The following AAK1 variants were observed in gnomAD, a reference collection of about 807,000 sequenced individuals.
AAK1 encodes AP2 associated kinase 1.
Under a neutral mutation model 116.0 loss-of-function variants are expected in AAK1, and 37 were observed. The ratio of observed to expected loss-of-function variants is 0.32; its 90% CI spans 0.25 to 0.42. The LOEUF (loss-of-function observed/expected upper bound fraction) is 0.42. Ranked by LOEUF, AAK1 falls within the 10% of genes least tolerant of loss-of-function variation. The probability of loss-of-function intolerance (pLI) is 1.00; values close to 1 mark genes in which losing one functional copy is unlikely to be tolerated. For missense variants in AAK1, 919 were observed against 1,170.6 expected, an observed-to-expected ratio of 0.79 and a Z score of 3.14; for synonymous variants, 458 against 439.9, an observed-to-expected ratio of 1.04 and a Z score of -0.51.
At chr2:69,586,436 G>A (rs2312087) in intron 2 of AAK1, among the ~76,000 whole-genome samples, 6,742 of 152,134 alleles carry the variant, frequency 0.044, 406 homozygotes, top group East Asian at 0.16. Context: ...GCTCAAAGAG[G>A]GCCTGGCAAT....
chr2:69,618,744 T>C (rs1203041560), intron 2 of AAK1, among the ~76,000 whole-genome samples: 1 of 152,182 alleles, frequency 6.6e-6, no homozygotes, highest in Non-Finnish European at 1.5e-5. Context: ...AATCCACTTA[T>C]TCCTAAACTG....
intron 9 of AAK1, 40 bp downstream of exon 9, chr2:69,527,176 T>A: frequency 6.9e-7 from 1 of 1,452,614 alleles, no homozygotes; most frequent in East Asian, 2.4e-5. Context: ...AATGGCAATT[T>A]GATAATGTTT....
chr2:69,485,769 T>A (rs1675274812), intron 17 of AAK1, among the ~76,000 whole-genome samples: 1 of 151,584 alleles, frequency 6.6e-6, no homozygotes, highest in Non-Finnish European at 1.5e-5. Context: ...CAAGCGATTC[T>A]CCTGCCTCAG....
At chr2:69,497,281 T>TTTACATTA (rs1675782279) in intron 16 of AAK1, among the ~76,000 whole-genome samples, 2 of 150,698 alleles carry the variant, frequency 1.3e-5, no homozygotes, top group African/African-American at 4.9e-5. Flanking sequence ...CACATGCAGC[T>TTTACATTA]TTACATTATC....
chr2:69,588,030 C>T (rs1178778762), intron 2 of AAK1, among the ~76,000 whole-genome samples: 3 of 152,116 alleles, frequency 2.0e-5, no homozygotes, highest in African/African-American at 7.2e-5. Context: ...CCCTAAAGTG[C>T]TGGGATTACA....
intron 2 of AAK1, among the ~76,000 whole-genome samples, chr2:69,582,907 C>T (rs1395871049): frequency 1.3e-5 from 2 of 152,186 alleles, no homozygotes; most frequent in East Asian, 1.9e-4. Context: ...AGTGAGAGCC[C>T]CATATTACCC....
intron 2 of AAK1, among the ~76,000 whole-genome samples, chr2:69,558,405 C>T (rs1160428530): frequency 6.6e-6 from 1 of 151,868 alleles, no homozygotes; most frequent in Non-Finnish European, 1.5e-5. Context: ...TGTTACACCA[C>T]AGCATTCCCC....
chr2:69,507,503 C>T lies in AAK1; in HGVS notation c.2082G>A (p.Thr694=), dbSNP rs549053574. The T allele has an allele frequency of 1.3e-4, 202 of 1,612,568 alleles. 1 individual carries two copies. The Admixed American group carries it at 2.5e-3, about 20-fold the overall frequency. Residue 694 remains threonine, a synonymous_variant, in exon 15 of 22, where the codon ACG becomes ACA. Transcript: ENST00000409085. ...QNVYNPSEGS[T]WNPFDDDNFS... is the part of the protein sequence containing the mutation. ...AATTATCGTCATCAAAGGGATTCCA[C>T]GTAGACCCTTCTGAAGGATTATAAA... is the stretch of plus-strand genomic sequence containing the variant.
intron 2 of AAK1, among the ~76,000 whole-genome samples, chr2:69,611,307 T>C (rs1189462636): frequency 6.6e-6 from 1 of 152,248 alleles, no homozygotes; most frequent in Non-Finnish European, 1.5e-5. Context: ...CCTCTCCTCC[T>C]GCCCTTGGGC....
intron 17 of AAK1, among the ~76,000 whole-genome samples, chr2:69,491,245 T>C (rs904992680): frequency 6.6e-6 from 1 of 152,112 alleles, no homozygotes; most frequent in Non-Finnish European, 1.5e-5. Flanking sequence ...CCCAGCCTCT[T>C]TTCTACCATA....
Position 69,478,931 on chromosome 2 carries a change from GAGA to G in AAK1, c.2680+17_2680+19del. The G allele has an allele frequency of 6.4e-7, 1 of 1,569,096 alleles. No individual in the cohort carries two copies. Reference sequence around the variant, plus strand: ...CCCCTCTAAGGACACATGTGGGCCTGAGAAGAAGAAAGCATTTACCTTTATGGA... The same window carrying G: ...CCCCTCTAAGGACACATGTGGGCCTGAGAAGAAAGCATTTACCTTTATGGA... On this transcript the variant is annotated intron_variant, in intron 20 of 21. Transcript: ENST00000409085.
At chr2:69,592,567 A>G (rs2105174054) in intron 2 of AAK1, among the ~76,000 whole-genome samples, 1 of 152,360 alleles carries the variant, frequency 6.6e-6, no homozygotes, top group South Asian at 2.1e-4. Context: ...TAAACATAAC[A>G]TGAAAAGAGT....
chr2:69,643,726 G>A lies in AAK1; in HGVS notation c.-386C>T, dbSNP rs1675869401. 2.5e-6 allele frequency: 3 copies of A among 1,211,278 alleles called. No homozygotes were observed. The highest frequency in any genetic ancestry group is 1.0e-6 in the Non-Finnish European group (1 of 974,878). The allele number at this position is 1,211,278 out of a possible 1,614,324, so 75.0% of individuals were successfully genotyped here. A position where few individuals can be genotyped will look rare whatever the true frequency, so the allele number is the denominator to read the frequency against. ...CCGCCCGCCAGCTGATCCCGGGAGC[G>A]CCGGGCGGAGACTGACCCGCCGCCC... On this transcript the variant is annotated 5_prime_UTR_variant, in exon 1 of 22. Transcript: ENST00000409085.
chr2:69,500,887 G>A (rs911001823), intron 16 of AAK1, among the ~76,000 whole-genome samples: 1 of 151,812 alleles, frequency 6.6e-6, no homozygotes, highest in Non-Finnish European at 1.5e-5. Flanking sequence ...GGTAGGGTGA[G>A]TAGATGGAAA....
intron 2 of AAK1, chr2:69,598,459 T>C (rs1333401008): frequency 9.0e-6 from 2 of 223,282 alleles, no homozygotes; most frequent in African/African-American, 2.3e-5. Flanking sequence ...TTGGGATCTG[T>C]TTGAATTTCT....
intron 13 of AAK1, among the ~76,000 whole-genome samples, chr2:69,511,607 A>G (rs1338693582): frequency 6.6e-6 from 1 of 152,168 alleles, no homozygotes; most frequent in Non-Finnish European, 1.5e-5. Flanking sequence ...GACATTCATT[A>G]ATCTGAAAAG....
chr2:69,493,158 C>CAAAAAAAAAAAAA lies in AAK1; in HGVS notation c.2365+2814_2365+2826dup, dbSNP rs574490585. On this transcript the variant is annotated intron_variant, in intron 17 of 21. Coordinates refer to ENST00000409085, the MANE Select transcript of AAK1 (RefSeq NM_014911.5). The stretch of plus-strand genomic sequence containing the variant: ...TGGGCGACAGAGCGAGACTCCGTCT[C>CAAAAAAAAAAAAA]AAAAAAAAAAAAAAAAAAAGGATGC... Among the ~76,000 whole-genome samples the CAAAAAAAAAAAAA allele has an allele frequency of 4.9e-3, 182 of 37,524 alleles. 12 individuals are homozygous for CAAAAAAAAAAAAA. Among genetic ancestry groups the CAAAAAAAAAAAAA allele is most frequent in the Non-Finnish European group, 8.8e-3 (135 of 15,278 alleles). The allele number at this position is 37,524 out of a possible 152,430, so 24.6% of individuals were successfully genotyped here. A position where few individuals can be genotyped will look rare whatever the true frequency, so the allele number is the denominator to read the frequency against.
intron 8 of AAK1, among the ~76,000 whole-genome samples, chr2:69,527,950 C>T (rs903513570): frequency 1.3e-4 from 20 of 152,114 alleles, no homozygotes; most frequent in African/African-American, 4.1e-4. Context: ...CAAACAACAA[C>T]GCAAGGCAGC....
intron 2 of AAK1, chr2:69,597,272 T>G (rs1219866979): frequency 6.6e-6 from 1 of 152,218 alleles, no homozygotes; most frequent in Non-Finnish European, 1.5e-5. Flanking sequence ...AGTATTTCAT[T>G]GACAAGAAAT....
Sources: gnomAD v4.1 joint callset for allele counts (sites outside exome capture counted in the v4.1 genomes callset) on GRCh38, gnomAD v4.1.1 for gene constraint, MANE v1.5 for transcripts, NCBI Gene and HGNC (gene_info 2026-07-23, HGNC 2026-07-21) for gene names.